ARHGEF4: variants seen among roughly 807,000 people sequenced by gnomAD.
ARHGEF4 encodes the protein Rho guanine nucleotide exchange factor 4.
In ARHGEF4, 119 loss-of-function variants were observed where a neutral mutation model predicts 162.0. The observed-to-expected ratio is 0.73, with a 90% CI of 0.63 to 0.86. The LOEUF (loss-of-function observed/expected upper bound fraction) is 0.86. Ranked by LOEUF, ARHGEF4 falls within the 40% of genes least tolerant of loss-of-function variation. The probability of loss-of-function intolerance (pLI) is 0.00; values close to 1 mark genes in which losing one functional copy is unlikely to be tolerated. For synonymous variants in ARHGEF4, 1,014 were observed against 979.9 expected, an observed-to-expected ratio of 1.03 and a Z score of -0.65; for missense variants, 2,488 against 2,456.0, an observed-to-expected ratio of 1.01 and a Z score of -0.28.
chr2:130,991,345 G>A (rs1686941560), intron 4 of ARHGEF4, among the ~76,000 whole-genome samples: 1 of 152,366 alleles, frequency 6.6e-6, no homozygotes, highest in Admixed American at 6.5e-5. Flanking sequence ...CCATTTTGGC[G>A]GCACTTGAGG....
At chr2:131,004,051 G>A (rs1230601066) in intron 4 of ARHGEF4, among the ~76,000 whole-genome samples, 1 of 152,180 alleles carries the variant, frequency 6.6e-6, no homozygotes, top group Non-Finnish European at 1.5e-5. Context: ...ACACCCTGGG[G>A]ACACCAGACC....
At chr2:130,931,834 T>C (rs1259917013) in intron 3 of ARHGEF4, among the ~76,000 whole-genome samples, 1 of 152,206 alleles carries the variant, frequency 6.6e-6, no homozygotes, top group East Asian at 1.9e-4. Context: ...CCTTTATAAA[T>C]AGCAATATTT....
intron 1 of ARHGEF4, among the ~76,000 whole-genome samples, chr2:130,909,432 G>A (rs4349362): frequency 0.53 from 80,693 of 152,018 alleles, 25,105 homozygotes; most frequent in East Asian, 0.77. Flanking sequence ...AAGACATACC[G>A]CATGGTTCCA....
chr2:130,906,593 A>T (rs1680823289), intron 1 of ARHGEF4, among the ~76,000 whole-genome samples: 1 of 152,198 alleles, frequency 6.6e-6, no homozygotes, highest in East Asian at 1.9e-4. Context: ...GTATTTAGAG[A>T]CCAGCCTGGC....
intron 4 of ARHGEF4, among the ~76,000 whole-genome samples, chr2:130,961,892 A>T (rs575016876): frequency 2.0e-5 from 3 of 152,136 alleles, no homozygotes; most frequent in African/African-American, 7.2e-5. Flanking sequence ...CCCCATGCAG[A>T]AGAGCCTGCA....
rs369129650 is a variant in ARHGEF4, at chr2:131,040,124, A to G, written c.4414A>G (p.Thr1472Ala). 9 of 1,613,140 alleles carry G rather than the reference A, an allele frequency of 5.6e-6. No homozygotes were observed. Among genetic ancestry groups the G allele is most frequent in the Middle Eastern group, 1.6e-4 (1 of 6,084 alleles). ...EAQSSKDQMR[T>A]NVINEILSTE... ...GCAGAGCAGCAAGGACCAGATGCGG[A>G]CCAACGTCATCAACGAGATCCTCAG... Residue 1472 changes from threonine to alanine, a missense_variant, in exon 7 of 14, where the codon ACC becomes GCC. Physicochemically the swap from Thr to Ala is moderately conservative, Grantham distance 58 (BLOSUM62 0). This residue lies in a region of ARHGEF4 where 174 missense variants were observed against 148.3 expected (regional missense o/e 1.17). Coordinates refer to ENST00000409359, the MANE Select transcript of ARHGEF4 (RefSeq NM_001367493.1).
At chr2:130,926,518 T>G (rs932983001) in intron 2 of ARHGEF4, among the ~76,000 whole-genome samples, 1 of 152,218 alleles carries the variant, frequency 6.6e-6, no homozygotes, top group African/African-American at 2.4e-5. Context: ...ATTTAAATCT[T>G]GTTTTGGAAA....
intron 4 of ARHGEF4, among the ~76,000 whole-genome samples, chr2:130,949,200 CT>C (rs1381037991): frequency 2.6e-5 from 4 of 152,158 alleles, no homozygotes; most frequent in Non-Finnish European, 5.9e-5. Flanking sequence ...CTGCAACAAT[CT>C]TTCCAATGTC....
intron 1 of ARHGEF4, among the ~76,000 whole-genome samples, chr2:130,911,593 A>G (rs1360085038): frequency 6.6e-6 from 1 of 152,210 alleles, no homozygotes; most frequent in Non-Finnish European, 1.5e-5. Context: ...GAATTTCAGT[A>G]TCTGTACACT....
At chr2:130,849,760 G>A (rs914956448) in intron 1 of ARHGEF4, among the ~76,000 whole-genome samples, 2 of 151,954 alleles carry the variant, frequency 1.3e-5, no homozygotes, top group African/African-American at 4.8e-5. Flanking sequence ...TAGAGACAGT[G>A]TTTCACCACG....
chr2:131,038,359 G>T (rs1172456552), intron 5 of ARHGEF4, among the ~76,000 whole-genome samples: 14 of 145,694 alleles, frequency 9.6e-5, no homozygotes, highest in Non-Finnish European at 1.5e-5. Flanking sequence ...CCTCCCTCCT[G>T]CAGCCTTGCA....
intron 4 of ARHGEF4, among the ~76,000 whole-genome samples, chr2:130,993,485 ATCTC>A (rs755740745): frequency 6.6e-6 from 1 of 152,014 alleles, no homozygotes; most frequent in Non-Finnish European, 1.5e-5. Context: ...TTTAGGTCAA[ATCTC>A]TCTGTCTTTG....
chr2:131,029,780 T>C (rs1043258988), intron 5 of ARHGEF4, among the ~76,000 whole-genome samples: 11 of 152,104 alleles, frequency 7.2e-5, no homozygotes, highest in Non-Finnish European at 1.2e-4. Context: ...TCTCAAACTC[T>C]TGAACTCAGG....
chr2:130,926,179 C>A (rs1559044047), intron 2 of ARHGEF4, among the ~76,000 whole-genome samples: 2 of 151,900 alleles, frequency 1.3e-5, no homozygotes, highest in Admixed American at 1.3e-4. Context: ...AGCTGATCAA[C>A]TGAACGTTTT....
intron 1 of ARHGEF4, among the ~76,000 whole-genome samples, chr2:130,876,576 T>G (rs1678860840): frequency 6.6e-6 from 1 of 152,140 alleles, no homozygotes; most frequent in Admixed American, 6.6e-5. Flanking sequence ...GTATTTTTAG[T>G]AGAGACGGGG....
At position 130,999,586 on chromosome 2, in the gene ARHGEF4, A is replaced by G. The variant is rs1481420258; in HGVS notation, c.3986-28359A>G. On this transcript the variant is annotated intron_variant, in intron 4 of 13. Coordinates refer to ENST00000409359, the MANE Select transcript of ARHGEF4 (RefSeq NM_001367493.1). ...GTGCTAACATTTTGAATAAACTCCTATCTTTTTGTAGATGTGTTACTAACC... is the reference window on the plus strand; with the variant it reads ...GTGCTAACATTTTGAATAAACTCCTGTCTTTTTGTAGATGTGTTACTAACC... Among the ~76,000 whole-genome samples, 7 of 152,030 alleles carry G rather than the reference A, an allele frequency of 4.6e-5. No individual in the cohort carries two copies. The East Asian group carries it at 9.6e-4, about 21-fold the overall frequency.
chr2:130,977,588 A>G (rs1421498355), intron 4 of ARHGEF4, among the ~76,000 whole-genome samples: 1 of 151,022 alleles, frequency 6.6e-6, no homozygotes, highest in African/African-American at 2.4e-5. Context: ...TATGTTGTGT[A>G]TGTGTGGTGC....
chr2:130,891,910 G>A (rs998579548), intron 1 of ARHGEF4, among the ~76,000 whole-genome samples: 1 of 152,144 alleles, frequency 6.6e-6, no homozygotes, highest in African/African-American at 2.4e-5. Flanking sequence ...GAAGGAGCAT[G>A]GCTGTGTTCC....
chr2:130,942,172 C>G (rs1433571734), intron 3 of ARHGEF4, among the ~76,000 whole-genome samples: 2 of 115,506 alleles, frequency 1.7e-5, no homozygotes, highest in African/African-American at 3.8e-5. Context: ...TTTTTTGAGA[C>G]GGAGTCTTGC....
Sources: allele counts gnomAD v4.1 joint callset (sites outside exome capture counted in the v4.1 genomes callset), GRCh38; gene constraint gnomAD v4.1.1; regional missense constraint gnomAD v4.1.1; transcripts MANE v1.5; gene names NCBI Gene and HGNC (gene_info 2026-07-23, HGNC 2026-07-21).